CHD9: variants seen among roughly 807,000 people sequenced by gnomAD.
The protein encoded by CHD9 is ATP-dependent chromatin remodeler CHD9.
Under a neutral mutation model 316.1 loss-of-function variants are expected in CHD9, and 77 were observed. That is an observed-to-expected ratio of 0.24 (90% CI 0.20 to 0.29). The LOEUF is 0.29. Among genes scored for constraint, CHD9 ranks in the 10% least tolerant of loss-of-function variants. The probability of loss-of-function intolerance (pLI) is 1.00; values close to 1 mark genes in which losing one functional copy is unlikely to be tolerated. For synonymous variants in CHD9, 1,129 were observed against 1,158.3 expected, an observed-to-expected ratio of 0.97 and a Z score of 0.51; for missense variants, 2,763 against 3,438.1, an observed-to-expected ratio of 0.80 and a Z score of 4.91.
chr16:53,178,427 C>CTTTTTTTTTTTTTT (rs10569589), intron 2 of CHD9, among the ~76,000 whole-genome samples: 3 of 98,972 alleles, frequency 3.0e-5, no homozygotes, highest in East Asian at 3.0e-4. Flanking sequence ...TTGTTGGTTT[C>CTTTTTTTTTTTTTT]TTTTTTTTTT....
At chr16:53,179,371 T>G (rs1196899620) in intron 2 of CHD9, among the ~76,000 whole-genome samples, 1 of 152,018 alleles carries the variant, frequency 6.6e-6, no homozygotes, top group Non-Finnish European at 1.5e-5. Context: ...AAAATATCAG[T>G]TTTGATCACT....
At chr16:53,082,215 T>TATTG (rs1404429739) in intron 1 of CHD9, among the ~76,000 whole-genome samples, 1 of 149,508 alleles carries the variant, frequency 6.7e-6, no homozygotes, top group Non-Finnish European at 1.5e-5. Context: ...TTTATTTATT[T>TATTG]ATTTATTTAT....
chr16:53,093,672 A>G lies in CHD9; in HGVS notation c.-165+38595A>G, dbSNP rs528422170. On this transcript the variant is annotated intron_variant, in intron 1 of 38. Coordinates refer to ENST00000447540, the MANE Select transcript of CHD9 (RefSeq NM_001308319.2). ...TTGTTCTCACTAATGCCTTTCAATC[A>G]GGCAAAGGCGGTATGATTGTCCGCA... Among the ~76,000 whole-genome samples, 23 of 152,320 alleles carry G rather than the reference A, an allele frequency of 1.5e-4. No homozygotes were observed. In the East Asian group the frequency reaches 4.2e-3, roughly 28 times the overall value.
rs758226309 is a variant in CHD9 at position 53,308,733 on chromosome 16, A to G, written c.7101A>G (p.Lys2367=). 1.2e-6 allele frequency: 2 copies of G among 1,613,498 alleles called. No homozygotes were observed. The highest frequency in any genetic ancestry group is 2.2e-5 in the South Asian group (2 of 90,952). The part of the protein sequence containing the change: ...LTFQKQGLAQ[K]RPFDGEDGAL... ...TTCAGAAGCAAGGGCTTGCTCAGAA[A>G]AGACCATTTGATGGTGAAGACGGTG... The change falls in exon 34 of 39, where the codon AAA becomes AAG. Residue 2367 remains lysine, a synonymous_variant. Coordinates refer to ENST00000447540, the MANE Select transcript of CHD9 (RefSeq NM_001308319.2).
At chr16:53,148,194 G>C (rs545958345) in intron 1 of CHD9, among the ~76,000 whole-genome samples, 1 of 152,136 alleles carries the variant, frequency 6.6e-6, no homozygotes, top group African/African-American at 2.4e-5. Context: ...GTGTCAGAGT[G>C]AGACTCTGCC....
At chr16:53,238,798 AATGAAG>A (rs2048840089) in intron 12 of CHD9, among the ~76,000 whole-genome samples, 1 of 152,188 alleles carries the variant, frequency 6.6e-6, no homozygotes, top group Non-Finnish European at 1.5e-5. Flanking sequence ...AGTTCACTAT[AATGAAG>A]TATGCAGATT....
intron 1 of CHD9, among the ~76,000 whole-genome samples, chr16:53,074,367 A>C (rs528443943): frequency 4.6e-5 from 7 of 152,326 alleles, no homozygotes; most frequent in African/African-American, 1.4e-4. Flanking sequence ...AGCAAATCCC[A>C]TTTTCTGAGG....
chr16:53,100,066 G>A (rs2036719547), intron 1 of CHD9, among the ~76,000 whole-genome samples: 1 of 152,246 alleles, frequency 6.6e-6, no homozygotes. Flanking sequence ...GGCTGCAGGG[G>A]ATGAAGCGGT....
At chr16:53,229,667 A>G (rs1198084887) in intron 8 of CHD9, among the ~76,000 whole-genome samples, 1 of 152,192 alleles carries the variant, frequency 6.6e-6, no homozygotes, top group Non-Finnish European at 1.5e-5. Flanking sequence ...TAGTACAATG[A>G]ATTCTCACAT....
chr16:53,320,780 T>A, intron 37 of CHD9, among the ~76,000 whole-genome samples: 1 of 152,292 alleles, frequency 6.6e-6, no homozygotes, highest in African/African-American at 2.4e-5. Flanking sequence ...TTACTTATGA[T>A]TGGTTAATTA....
chr16:53,261,635 C>T (rs935916163), intron 19 of CHD9, among the ~76,000 whole-genome samples: 1 of 151,976 alleles, frequency 6.6e-6, no homozygotes, highest in African/African-American at 2.4e-5. Flanking sequence ...CCTTGGCCTC[C>T]CAGAGTTTTG....
At chr16:53,141,633 C>T (rs966927067) in intron 1 of CHD9, among the ~76,000 whole-genome samples, 11 of 151,940 alleles carry the variant, frequency 7.2e-5, no homozygotes, top group Admixed American at 5.2e-4. Context: ...TTCCTGAAAG[C>T]GTATGAGTAT....
chr16:53,075,031 G>A (rs1470469837), intron 1 of CHD9, among the ~76,000 whole-genome samples: 1 of 152,218 alleles, frequency 6.6e-6, no homozygotes, highest in Non-Finnish European at 1.5e-5. Context: ...CAAAGCCAGA[G>A]GGGCAGAGCT....
chr16:53,319,805 G>A (rs1279615059), intron 37 of CHD9: 13 of 1,256,690 alleles, frequency 1.0e-5, no homozygotes, highest in South Asian at 5.3e-5. Context: ...TGAGTCTCTC[G>A]GGTACAGGCT....
intron 1 of CHD9, among the ~76,000 whole-genome samples, chr16:53,102,784 A>G (rs2036997003): frequency 6.6e-6 from 1 of 152,128 alleles, no homozygotes; most frequent in Non-Finnish European, 1.5e-5. Context: ...CAGGAGTTCA[A>G]GGCCACAGTA....
intron 1 of CHD9, among the ~76,000 whole-genome samples, chr16:53,082,954 T>C (rs1390502689): frequency 2.0e-5 from 3 of 152,228 alleles, no homozygotes; most frequent in Admixed American, 2.0e-4. Context: ...ATCAGTCGTC[T>C]GCCTCCCTTT....
Position 53,292,992 on chromosome 16 carries a change from C to G in CHD9, c.5450C>G (p.Pro1817Arg), listed in dbSNP as rs762583883. The G allele has an allele frequency of 7.4e-6, 12 of 1,613,572 alleles. No homozygotes were observed. The South Asian group carries it at 1.3e-4, about 18-fold the overall frequency. Reference sequence around the variant, plus strand: ...TCGGTGCCTACCAGTGTAATGCAGCCTATTTATGAGGAAGCCACTCTTAAT... The same window carrying G: ...TCGGTGCCTACCAGTGTAATGCAGCGTATTTATGAGGAAGCCACTCTTAAT... ...TFSVPTSVMQ[P>R]IYEEATLNPK... is the part of the protein sequence containing the mutation. Residue 1817 changes from proline (P) to arginine (R), a missense_variant, in exon 29 of 39, where the codon CCT (proline) becomes CGT (arginine). By Grantham distance (103) the Pro-to-Arg change is moderately radical (BLOSUM62 -2). Coordinates refer to ENST00000447540, the MANE Select transcript of CHD9 (RefSeq NM_001308319.2).
At chr16:53,151,476 G>A (rs1373589547) in intron 1 of CHD9, among the ~76,000 whole-genome samples, 4 of 151,818 alleles carry the variant, frequency 2.6e-5, no homozygotes, top group South Asian at 2.1e-4. Flanking sequence ...GGTTGGTCTC[G>A]AACTCCTGAC....
intron 2 of CHD9, among the ~76,000 whole-genome samples, chr16:53,178,514 C>T (rs949183742): frequency 2.0e-5 from 3 of 150,426 alleles, no homozygotes; most frequent in African/African-American, 7.4e-5. Flanking sequence ...CTCACTGTAC[C>T]CTTGACCTCC....
Sources: allele counts gnomAD v4.1 joint callset (sites outside exome capture counted in the v4.1 genomes callset), GRCh38; gene constraint gnomAD v4.1.1; transcripts MANE v1.5; gene names NCBI Gene and HGNC (gene_info 2026-07-23, HGNC 2026-07-21).